DOCK3: variants seen among roughly 807,000 people sequenced by gnomAD.
DOCK3 encodes the protein dedicator of cytokinesis protein 3.
DOCK3 carries 60 observed loss-of-function variants against 265.6 expected under a neutral mutation model. That is an observed-to-expected ratio of 0.23 (90% CI 0.18 to 0.28). The LOEUF is 0.28. DOCK3 is among the 10% of genes least tolerant of loss of function. DOCK3 has a pLI of 1.00. For missense variants in DOCK3, 1,981 were observed against 2,594.3 expected (o/e 0.76, Z 5.14); for synonymous variants, 881 against 938.0 (o/e 0.94, Z 1.11).
At position 51,381,506 on chromosome 3, in the gene DOCK3, G is replaced by A. The variant is rs782237602; in HGVS notation, c.6040G>A (p.Ala2014Thr). The change falls in exon 53 of 53, where the codon GCT becomes ACT. Residue 2014 changes from alanine to threonine, a missense_variant. Around this residue, in one of 4 missense-constraint regions of DOCK3, gnomAD observed 149 missense variants for 144.7 expected, o/e 1.03. Transcript: ENST00000266037. The surrounding 1 kb of genome is among the most constrained non-coding windows in gnomAD (Gnocchi z 5.6). Reference sequence around the variant, plus strand: ...CAAGGCTCCATTGCCTCCTGGGAGCGCTAAGGAGGAGCAGGCCCGCATGGC... The same window carrying A: ...CAAGGCTCCATTGCCTCCTGGGAGCACTAAGGAGGAGCAGGCCCGCATGGC... Reference protein sequence around the residue: ...HRKAPLPPGSAKEEQARMAWE... With the variant: ...HRKAPLPPGSTKEEQARMAWE... 11 of 1,580,258 alleles carry A rather than the reference G, an allele frequency of 7.0e-6. No homozygotes were observed. The highest frequency in any genetic ancestry group is 1.8e-5 in the Admixed American group (1 of 54,836).
intron 4 of DOCK3, among the ~76,000 whole-genome samples, chr3:50,931,539 T>A (rs1273081293): frequency 6.6e-6 from 1 of 152,260 alleles, no homozygotes; most frequent in Non-Finnish European, 1.5e-5. Context: ...AAAGGATGTC[T>A]TCTCATTCAA....
chr3:50,795,615 C>G (rs531676260), intron 2 of DOCK3, among the ~76,000 whole-genome samples: 2 of 152,262 alleles, frequency 1.3e-5, no homozygotes, highest in East Asian at 3.9e-4. Flanking sequence ...CTCTTGACTT[C>G]GTGATCTGCC....
At chr3:51,312,655 T>C in intron 30 of DOCK3, 79 bp downstream of exon 30, 1 of 1,380,972 alleles carries the variant, frequency 7.2e-7, no homozygotes, top group Non-Finnish European at 9.9e-7. Context: ...CTTTCAGAGG[T>C]CCACAAGGTT....
At chr3:51,272,691 G>A (rs1306717457) in intron 24 of DOCK3, among the ~76,000 whole-genome samples, 1 of 152,044 alleles carries the variant, frequency 6.6e-6, no homozygotes, top group Non-Finnish European at 1.5e-5. Flanking sequence ...GCCAGCGTAT[G>A]ATATTGCTAG....
chr3:51,360,371 T>C, intron 46 of DOCK3, 140 bp from the exon 47 acceptor site: 1 of 1,125,856 alleles, frequency 8.9e-7, no homozygotes, highest in Non-Finnish European at 1.2e-6. Context: ...CCAAAGGAAG[T>C]CAGCAGTTCA....
At chr3:51,312,788 C>A in intron 30 of DOCK3, 56 bp from the exon 31 acceptor site, 2 of 1,549,552 alleles carry the variant, frequency 1.3e-6, no homozygotes, top group East Asian at 4.6e-5. Context: ...GGTTTGCAGC[C>A]CTATCCTCCT....
chr3:50,782,363 T>C (rs1234458862), intron 2 of DOCK3, among the ~76,000 whole-genome samples: 1 of 140,184 alleles, frequency 7.1e-6, no homozygotes, highest in Non-Finnish European at 1.5e-5. Flanking sequence ...CGATCTCGGC[T>C]CACTGCAAGC....
chr3:51,196,691 G>A (rs1285589769), intron 12 of DOCK3, among the ~76,000 whole-genome samples: 2 of 152,110 alleles, frequency 1.3e-5, no homozygotes, highest in African/African-American at 2.4e-5. Context: ...AATGTAATTT[G>A]TAGTTCCTAT....
chr3:51,034,958 G>A (rs998137494), intron 5 of DOCK3, among the ~76,000 whole-genome samples: 13 of 151,924 alleles, frequency 8.6e-5, no homozygotes, highest in Non-Finnish European at 7.4e-5. Context: ...ATCATGTTCT[G>A]CTCTATGTGA....
intron 12 of DOCK3, among the ~76,000 whole-genome samples, chr3:51,177,123 G>T (rs1476580587): frequency 2.0e-5 from 3 of 152,124 alleles, no homozygotes; most frequent in African/African-American, 7.2e-5. Flanking sequence ...GGAGGATATG[G>T]TCACACCCTG....
At chr3:50,950,675 C>G (rs1054110013) in intron 5 of DOCK3, among the ~76,000 whole-genome samples, 1 of 152,060 alleles carries the variant, frequency 6.6e-6, no homozygotes, top group African/African-American at 2.4e-5. Context: ...TTCCAGCCTT[C>G]CAGGGTTTGA....
chr3:51,371,750 C>T (rs753291309), intron 49 of DOCK3, among the ~76,000 whole-genome samples: 1 of 152,252 alleles, frequency 6.6e-6, no homozygotes, highest in Non-Finnish European at 1.5e-5. Flanking sequence ...ATGGACACTG[C>T]TGTGATTCCT....
chr3:51,317,685 G>A (rs955577877), intron 32 of DOCK3, among the ~76,000 whole-genome samples: 3 of 150,494 alleles, frequency 2.0e-5, no homozygotes, highest in Non-Finnish European at 3.0e-5. Context: ...AAAAAATTAG[G>A]TGAGGTGACA....
intron 5 of DOCK3, among the ~76,000 whole-genome samples, chr3:51,007,332 T>G (rs1324461448): frequency 5.6e-4 from 86 of 152,238 alleles, no homozygotes; most frequent in African/African-American, 1.9e-3. Context: ...GGTGTGAGAT[T>G]GTATCTCATT....
At chr3:50,786,969 G>A (rs1392346155) in intron 2 of DOCK3, 1 of 741,608 alleles carries the variant, frequency 1.3e-6, no homozygotes, top group African/African-American at 1.7e-5. Context: ...TCTTTCATGT[G>A]TGCAACCATG....
At chr3:51,189,817 G>A (rs2087835494) in intron 12 of DOCK3, among the ~76,000 whole-genome samples, 1 of 152,126 alleles carries the variant, frequency 6.6e-6, no homozygotes, top group African/African-American at 2.4e-5. Context: ...TCTACTTTTA[G>A]TTCTTTAAGA....
At chr3:51,158,620 G>T (rs2085976854) in intron 10 of DOCK3, among the ~76,000 whole-genome samples, 1 of 152,140 alleles carries the variant, frequency 6.6e-6, no homozygotes, top group Admixed American at 6.5e-5. Context: ...TCTGATTCTG[G>T]ATCATATGTG....
intron 49 of DOCK3, among the ~76,000 whole-genome samples, chr3:51,368,973 G>A (rs2087468395): frequency 6.6e-6 from 1 of 152,216 alleles, no homozygotes; most frequent in Non-Finnish European, 1.5e-5. Context: ...CTGCAGCTGA[G>A]GGTCCTGACT....
chr3:50,692,335 G>T (rs778894995), intron 1 of DOCK3, among the ~76,000 whole-genome samples: 4 of 152,092 alleles, frequency 2.6e-5, no homozygotes, highest in East Asian at 1.9e-4. Context: ...TCCATGGACC[G>T]CAGAAGGGAT....
Sources: allele counts gnomAD v4.1 joint callset (sites outside exome capture counted in the v4.1 genomes callset), GRCh38; gene constraint gnomAD v4.1.1; regional missense constraint gnomAD v4.1.1; non-coding constraint Gnocchi (gnomAD v3.1); transcripts MANE v1.5; gene names NCBI Gene and HGNC (gene_info 2026-07-23, HGNC 2026-07-21).